The following ADGRV1 variants were observed in gnomAD, a reference collection of about 807,000 sequenced individuals.
ADGRV1 encodes G-protein coupled receptor 98.
Under a neutral mutation model 596.2 loss-of-function variants are expected in ADGRV1, and 359 were observed. The ratio of observed to expected loss-of-function variants is 0.60; its 90% CI spans 0.55 to 0.66. The LOEUF (loss-of-function observed/expected upper bound fraction) is 0.66. Among genes scored for constraint, ADGRV1 ranks in the 30% least tolerant of loss-of-function variants. ADGRV1 has a pLI of 0.00. For synonymous variants in ADGRV1, 2,681 were observed against 2,679.2 expected (o/e 1.00, Z -0.02); for missense variants, 7,274 against 7,575.6 (o/e 0.96, Z 1.48).
At chr5:90,583,412 T>C (rs1758329379) in intron 1 of ADGRV1, among the ~76,000 whole-genome samples, 1 of 152,182 alleles carries the variant, frequency 6.6e-6, no homozygotes, top group Non-Finnish European at 1.5e-5. Flanking sequence ...GCTTTCACAT[T>C]TTATTACAGC....
chr5:90,985,631 C>T (rs1301101351), intron 85 of ADGRV1, 109 bp downstream of exon 85: 2 of 758,304 alleles, frequency 2.6e-6, no homozygotes, highest in African/African-American at 1.7e-5. Flanking sequence ...TGCTTTTCTG[C>T]CACAGTGTCT....
intron 85 of ADGRV1, among the ~76,000 whole-genome samples, chr5:91,019,289 ATGTC>A (rs1228116406): frequency 6.6e-6 from 1 of 152,022 alleles, no homozygotes; most frequent in Admixed American, 6.6e-5. Flanking sequence ...ACTAGCATCT[ATGTC>A]TGTTACACAG....
chr5:90,965,418 C>G lies in ADGRV1; in HGVS notation c.17860C>G (p.Leu5954Val). ...TAGAAGTATCTGTTTCTTACAGATT[C>G]TGTTTCTGGCGTCTGCATACGCAAG... ...MMAASLGTQI[L>V]FLASAYASPQ... The change falls in exon 84 of 90, where the codon CTG becomes GTG. Residue 5954 changes from leucine to valine, a missense_variant. Transcript: ENST00000405460. 6.3e-7 allele frequency: 1 copy of G among 1,599,106 alleles called. No homozygotes were observed. Among genetic ancestry groups the G allele is most frequent in the Non-Finnish European group, 8.6e-7 (1 of 1,166,424 alleles).
chr5:91,084,038 ATCT>A (rs1789646693), intron 86 of ADGRV1, among the ~76,000 whole-genome samples: 1 of 152,102 alleles, frequency 6.6e-6, no homozygotes, highest in Non-Finnish European at 1.5e-5. Flanking sequence ...ATTTCTTATG[ATCT>A]TCTCTCTTCC....
chr5:90,724,982 C>T lies in ADGRV1; in HGVS notation c.9899C>T (p.Pro3300Leu). The T allele has an allele frequency of 6.3e-7, 1 of 1,596,456 alleles. No homozygotes were observed. The highest frequency in any genetic ancestry group is 8.5e-7 in the Non-Finnish European group (1 of 1,173,574). ...TACCGATGGCAGGGGATTTTTATTC[C>T]AGTTGAGGTAAACATCAGTATTTTT... ...TVYRWQGIFI[P>L]VEDLNIENPK... Residue 3300 changes from proline to leucine, a missense_variant, in exon 46 of 90, where the codon CCA becomes CTA. Around this residue, in one of 5 missense-constraint regions of ADGRV1, gnomAD observed 3,643 missense variants for 3,809.2 expected, o/e 0.96. Coordinates refer to ENST00000405460, the MANE Select transcript of ADGRV1 (RefSeq NM_032119.4).
chr5:90,992,392 T>C (rs1234233451), intron 85 of ADGRV1, among the ~76,000 whole-genome samples: 1 of 152,244 alleles, frequency 6.6e-6, no homozygotes, highest in African/African-American at 2.4e-5. Context: ...TTCTGATTAC[T>C]GCTTTGTCTC....
intron 84 of ADGRV1, among the ~76,000 whole-genome samples, chr5:90,978,092 C>G (rs1191324740): frequency 1.3e-5 from 2 of 151,900 alleles, no homozygotes; most frequent in Non-Finnish European, 1.5e-5. Context: ...GTCAGGAGAT[C>G]GAGACCATCC....
chr5:90,678,679 G>A (rs2149564233), intron 25 of ADGRV1, among the ~76,000 whole-genome samples: 2 of 148,594 alleles, frequency 1.3e-5, no homozygotes, highest in East Asian at 4.0e-4. Context: ...GCATGTGAGA[G>A]GGCAAGAGAG....
At chr5:90,813,199 A>ATTCT (rs1762606386) in intron 74 of ADGRV1, among the ~76,000 whole-genome samples, 1 of 1,222 alleles carries the variant, frequency 8.2e-4, no homozygotes, top group Admixed American at 0.021. Flanking sequence ...TTCTCATTCT[A>ATTCT]ATAGAGACAC....
At chr5:91,041,204 A>G (rs1019204762) in intron 85 of ADGRV1, among the ~76,000 whole-genome samples, 3 of 152,204 alleles carry the variant, frequency 2.0e-5, no homozygotes, top group Admixed American at 1.3e-4. Flanking sequence ...TTATTGCAGC[A>G]CTATTCACAA....
In ADGRV1 at chr5:90,807,872, T is replaced by G. The variant is rs901370880; in HGVS notation, c.14972+135T>G. On this transcript the variant is annotated intron_variant, in intron 73 of 89. Transcript: ENST00000405460. Reference sequence around the variant, plus strand: ...CATAGTTTTAGTGTAGAGCATCACGTGGCGTGCATGCTGGAGAGGGAGGTG... The same window carrying G: ...CATAGTTTTAGTGTAGAGCATCACGGGGCGTGCATGCTGGAGAGGGAGGTG... The G allele has an allele frequency of 1.6e-5, 12 of 744,072 alleles. No individual in the cohort carries two copies. The African/African-American group carries it at 2.1e-4, about 13-fold the overall frequency. The allele number at this position is 744,072 out of a possible 1,614,324, so 46.1% of individuals were successfully genotyped here. A position where few individuals can be genotyped will look rare whatever the true frequency, so the allele number is the denominator to read the frequency against.
chr5:90,585,464 C>T (rs1758632502), intron 1 of ADGRV1, among the ~76,000 whole-genome samples: 3 of 152,212 alleles, frequency 2.0e-5, no homozygotes, highest in African/African-American at 7.2e-5. Flanking sequence ...TTAAGGAGGC[C>T]TAGGGTTGTA....
intron 84 of ADGRV1, among the ~76,000 whole-genome samples, chr5:90,985,121 A>G (rs1428301048): frequency 6.6e-6 from 1 of 152,210 alleles, no homozygotes; most frequent in Non-Finnish European, 1.5e-5. Flanking sequence ...AATCAACTAA[A>G]TATTTCCCTG....
chr5:91,104,092 CAATT>C (rs1791633760), intron 87 of ADGRV1, among the ~76,000 whole-genome samples: 1 of 151,346 alleles, frequency 6.6e-6, no homozygotes, highest in Non-Finnish European at 1.5e-5. Flanking sequence ...TTAATTTTGT[CAATT>C]AATTTTTTTT....
At chr5:90,744,961 A>G in intron 50 of ADGRV1, 85 bp from the exon 51 acceptor site, 1 of 872,014 alleles carries the variant, frequency 1.1e-6, no homozygotes, top group South Asian at 1.6e-5. Flanking sequence ...AGATTTTGGA[A>G]GATTTTGCTT....
intron 29 of ADGRV1, among the ~76,000 whole-genome samples, chr5:90,687,330 T>G: frequency 6.6e-6 from 1 of 152,078 alleles, no homozygotes; most frequent in East Asian, 1.9e-4. Flanking sequence ...TCTTCTAGGG[T>G]TTTTATGGTT....
At chr5:90,679,867 T>C (rs1744710342) in intron 26 of ADGRV1, among the ~76,000 whole-genome samples, 1 of 152,118 alleles carries the variant, frequency 6.6e-6, no homozygotes, top group African/African-American at 2.4e-5. Flanking sequence ...AGACTCTCCT[T>C]CTTGTATGAA....
intron 85 of ADGRV1, among the ~76,000 whole-genome samples, chr5:91,035,974 T>G (rs138494675): frequency 1.9e-3 from 282 of 148,792 alleles, no homozygotes; most frequent in African/African-American, 5.8e-3. Context: ...AACAAAAATA[T>G]GAGATAAAGG....
chr5:90,771,965 T>C (rs538588268), intron 59 of ADGRV1, among the ~76,000 whole-genome samples: 6 of 152,316 alleles, frequency 3.9e-5, no homozygotes, highest in Non-Finnish European at 8.8e-5. Flanking sequence ...TTTATTACTA[T>C]CTTTCGTAAC....
Sources: allele counts gnomAD v4.1 joint callset (sites outside exome capture counted in the v4.1 genomes callset), GRCh38; gene constraint gnomAD v4.1.1; regional missense constraint gnomAD v4.1.1; transcripts MANE v1.5; gene names NCBI Gene and HGNC (gene_info 2026-07-23, HGNC 2026-07-21).